Variants in CNOT4 observed in about 807,000 individuals in gnomAD.
CNOT4 encodes CCR4-associated factor 4.
A neutral mutation model predicts 73.8 loss-of-function variants in CNOT4; 8 were observed. That is an observed-to-expected ratio of 0.11 (90% confidence interval 0.06 to 0.20). The LOEUF (loss-of-function observed/expected upper bound fraction) is 0.20. CNOT4 is among the 10% of genes least tolerant of loss of function. The pLI is 1.00. For missense variants in CNOT4, 564 were observed against 883.4 expected (o/e 0.64, Z 4.58); for synonymous variants, 293 against 321.1 (o/e 0.91, Z 0.94).
chr7:135,379,371 G>A (rs1237167267), intron 10 of CNOT4, among the ~76,000 whole-genome samples: 1 of 152,128 alleles, frequency 6.6e-6, no homozygotes, highest in Non-Finnish European at 1.5e-5. Flanking sequence ...TATCAACACT[G>A]GGCAGACTAG....
chr7:135,440,821 A>G (rs994196428), intron 1 of CNOT4, among the ~76,000 whole-genome samples: 24 of 152,226 alleles, frequency 1.6e-4, no homozygotes, highest in African/African-American at 4.1e-4. Flanking sequence ...TGGGAGGCTG[A>G]AGCAAGAGAA....
intron 10 of CNOT4, among the ~76,000 whole-genome samples, chr7:135,389,352 T>C (rs1796285144): frequency 6.6e-6 from 1 of 151,284 alleles, no homozygotes; most frequent in Non-Finnish European, 1.5e-5. Flanking sequence ...AATTATGTAC[T>C]AGAAAAAAAT....
chr7:135,403,888 C>T (rs1029048318), intron 7 of CNOT4, among the ~76,000 whole-genome samples: 4 of 152,176 alleles, frequency 2.6e-5, no homozygotes, highest in Non-Finnish European at 5.9e-5. Context: ...TTCAGTAATA[C>T]ACTTAATGTT....
At chr7:135,409,553 A>C (rs1797482853) in intron 7 of CNOT4, among the ~76,000 whole-genome samples, 1 of 152,160 alleles carries the variant, frequency 6.6e-6, no homozygotes, top group African/African-American at 2.4e-5. Flanking sequence ...GGACTCAAAC[A>C]ATAATCCATG....
chr7:135,419,596 T>C (rs1175623031), intron 3 of CNOT4, among the ~76,000 whole-genome samples: 1 of 152,142 alleles, frequency 6.6e-6, no homozygotes, highest in Non-Finnish European at 1.5e-5. Flanking sequence ...AAGAATTATT[T>C]CAAACATATA....
At position 135,366,569 on chromosome 7, in the gene CNOT4, A is replaced by C. The variant is rs114274294; in HGVS notation, c.1628-2503T>G. ...CACTATGATTACAGGATACCTTGGG[A>C]AATAAATTAGCTAGTTTATAATGCA... On this transcript the variant is annotated intron_variant, in intron 10 of 11. Transcript: ENST00000541284. 8.6e-3 allele frequency among the ~76,000 whole-genome samples: 1,316 copies of C among 152,292 alleles called. 23 individuals are homozygous for C. The highest frequency in any genetic ancestry group is 0.03 in the African/African-American group (1,257 of 41,554).
intron 1 of CNOT4, chr7:135,509,496 CAGA>C (rs1212322553): frequency 1.3e-5 from 2 of 152,530 alleles, no homozygotes; most frequent in African/African-American, 4.8e-5. Context: ...AGACGGGGGC[CAGA>C]GGGAAAGGAC....
chr7:135,408,174 C>A (rs1797400195), intron 7 of CNOT4, among the ~76,000 whole-genome samples: 1 of 152,104 alleles, frequency 6.6e-6, no homozygotes, highest in Non-Finnish European at 1.5e-5. Context: ...ATGTTACAAC[C>A]ATATAACATT....
intron 1 of CNOT4, among the ~76,000 whole-genome samples, chr7:135,482,776 T>C (rs535393262): frequency 6.6e-6 from 1 of 150,600 alleles, no homozygotes; most frequent in South Asian, 2.1e-4. Flanking sequence ...AGGTCAGGAG[T>C]TCAAGACCAG....
chr7:135,411,149 C>T (rs1797568638), intron 6 of CNOT4, among the ~76,000 whole-genome samples: 1 of 152,016 alleles, frequency 6.6e-6, no homozygotes, highest in African/African-American at 2.4e-5. Flanking sequence ...TATCTTGACA[C>T]TAAGTAAAAC....
rs1241664455 is a variant in CNOT4, at chr7:135,447,018, C to T, written c.-92-8595G>A. Among the ~76,000 whole-genome samples the T allele has an allele frequency of 2.3e-5, 3 of 129,102 alleles. 1 individual carries two copies. Among genetic ancestry groups the T allele is most frequent in the Non-Finnish European group, 5.5e-5 (3 of 54,828 alleles). 84.7% of individuals were successfully genotyped at this position (129,102 alleles called of 152,430 possible). On this transcript the variant is annotated intron_variant, in intron 1 of 11. Coordinates refer to ENST00000541284, the MANE Select transcript of CNOT4 (RefSeq NM_001190850.2). ...TCAGGAGGGCAGAAATGACCCGGTG[C>T]ATCACATTTATGACGGTATACCATG...
At chr7:135,391,322 T>C (rs896911805) in intron 10 of CNOT4, among the ~76,000 whole-genome samples, 2 of 152,058 alleles carry the variant, frequency 1.3e-5, no homozygotes, top group Non-Finnish European at 2.9e-5. Flanking sequence ...TTGATAAAAA[T>C]TTTTAAATTT....
chr7:135,409,282 T>C (rs531349276), intron 7 of CNOT4, among the ~76,000 whole-genome samples: 8 of 152,276 alleles, frequency 5.3e-5, no homozygotes, highest in African/African-American at 1.9e-4. Flanking sequence ...GTACAAAAGA[T>C]TAAAGGAAAA....
chr7:135,375,634 G>A (rs756067321), intron 10 of CNOT4, among the ~76,000 whole-genome samples: 5 of 152,026 alleles, frequency 3.3e-5, no homozygotes, highest in Non-Finnish European at 7.4e-5. Flanking sequence ...TTTAAAAGGC[G>A]TGTGTTAGGG....
intron 1 of CNOT4, among the ~76,000 whole-genome samples, chr7:135,456,917 G>C (rs1800569464): frequency 6.6e-6 from 1 of 151,932 alleles, no homozygotes; most frequent in Admixed American, 6.6e-5. Context: ...GGTGGGAAAA[G>C]AAGTAAAACT....
intron 1 of CNOT4, among the ~76,000 whole-genome samples, chr7:135,500,067 T>C (rs972763373): frequency 1.3e-5 from 2 of 152,224 alleles, no homozygotes; most frequent in Non-Finnish European, 2.9e-5. Context: ...TGTTGCATCA[T>C]CTTAATCACT....
intron 3 of CNOT4, among the ~76,000 whole-genome samples, chr7:135,418,993 T>C (rs956969504): frequency 6.6e-6 from 1 of 150,668 alleles, no homozygotes; most frequent in African/African-American, 2.5e-5. Flanking sequence ...ACCCGCCCCC[T>C]GGCATCAAAA....
intron 7 of CNOT4, among the ~76,000 whole-genome samples, chr7:135,401,971 T>A (rs201657906): frequency 9.9e-5 from 15 of 152,274 alleles, no homozygotes; most frequent in East Asian, 5.8e-4. Context: ...ATCAAGATAT[T>A]CCCAGAAGGC....
chr7:135,440,783 G>T (rs1799429188), intron 1 of CNOT4, among the ~76,000 whole-genome samples: 3 of 152,116 alleles, frequency 2.0e-5, no homozygotes, highest in Admixed American at 6.6e-5. Context: ...GCTGGGCGTG[G>T]TGGCACATGC....
Sources: gnomAD v4.1 joint callset for allele counts (sites outside exome capture counted in the v4.1 genomes callset) on GRCh38, gnomAD v4.1.1 for gene constraint, MANE v1.5 for transcripts, NCBI Gene and HGNC (gene_info 2026-07-23, HGNC 2026-07-21) for gene names.